The following GSDME variants were observed in gnomAD, a reference collection of about 807,000 sequenced individuals.
GSDME encodes the protein gasdermin E.
Under a neutral mutation model 47.5 loss-of-function variants are expected in GSDME, and 44 were observed. The observed-to-expected ratio is 0.93, with a 90% CI of 0.73 to 1.19. The LOEUF is 1.19. Among genes scored for constraint, GSDME ranks in the 50% most tolerant of loss-of-function variants. GSDME has a pLI of 0.00. For synonymous variants in GSDME, 258 were observed against 252.8 expected (o/e 1.02, Z -0.20); for missense variants, 663 against 604.2 (o/e 1.10, Z -1.02).
At chr7:24,699,797 C>T (rs182083395) in intron 9 of GSDME, among the ~76,000 whole-genome samples, 5 of 152,300 alleles carry the variant, frequency 3.3e-5, no homozygotes, top group African/African-American at 1.2e-4. Flanking sequence ...TTCTACTAGT[C>T]CCATTAACTC....
In GSDME at chr7:24,732,785, G is replaced by A. The variant is rs542375188; in HGVS notation, c.404+11777C>T. 3.3e-5 allele frequency among the ~76,000 whole-genome samples: 5 copies of A among 152,276 alleles called. No homozygotes were observed. The highest frequency in any genetic ancestry group is 1.3e-4 in the Admixed American group (2 of 15,310). ...CAGAACCTGAGTTTTGGCAAGCCTC[G>A]CCACCATGGGCTAAAGTGCTTTGGT... On this transcript the variant is annotated intron_variant, in intron 3 of 9. Coordinates refer to ENST00000645220, the MANE Select transcript of GSDME (RefSeq NM_001127453.2). The surrounding 1 kb of genome is among the most constrained non-coding windows in gnomAD (Gnocchi z 4.8).
rs369314957 is a variant in GSDME, at chr7:24,726,059, C to T, written c.405-6841G>A. On this transcript the variant is annotated intron_variant, in intron 3 of 9. Coordinates refer to ENST00000645220, the MANE Select transcript of GSDME (RefSeq NM_001127453.2). The surrounding 1 kb of genome is among the most constrained non-coding windows in gnomAD (Gnocchi z 5.6). Reference sequence around the variant, plus strand: ...GCAGGCAGAGATGGAGGGAGGGAAGCGTGGCTCAGAGCCCAGCGTGGTTGC... The same window carrying T: ...GCAGGCAGAGATGGAGGGAGGGAAGTGTGGCTCAGAGCCCAGCGTGGTTGC... 2.0e-5 allele frequency among the ~76,000 whole-genome samples: 3 copies of T among 152,210 alleles called. No homozygotes were observed. Among genetic ancestry groups the T allele is most frequent in the Admixed American group, 6.5e-5 (1 of 15,296 alleles).
chr7:24,707,845 A>ACCTAGACTTTGGACTTTTGGGCT, intron 7 of GSDME: 1 of 571,460 alleles, frequency 1.7e-6, no homozygotes, highest in Non-Finnish European at 3.1e-6. Flanking sequence ...CCCTGCAGAC[A>ACCTAGACTTTGGACTTTTGGGCT]CCTAGACTTT....
intron 3 of GSDME, among the ~76,000 whole-genome samples, chr7:24,723,200 C>CG (rs1789854042): frequency 6.6e-6 from 1 of 152,166 alleles, no homozygotes; most frequent in East Asian, 1.9e-4. Flanking sequence ...ACAGGGACAG[C>CG]GGGGAAGCTA....
intron 3 of GSDME, among the ~76,000 whole-genome samples, chr7:24,741,927 G>A (rs1463457463): frequency 1.3e-5 from 2 of 151,610 alleles, no homozygotes; most frequent in Admixed American, 6.6e-5. Context: ...CCTCCTAGCC[G>A]CCTAACAAGG....
At chr7:24,751,351 C>T (rs1298907891) in intron 1 of GSDME, among the ~76,000 whole-genome samples, 1 of 152,148 alleles carries the variant, frequency 6.6e-6, no homozygotes, top group Non-Finnish European at 1.5e-5. Context: ...TGCACAAGAA[C>T]TGCTTTTTAT....
the GSDME span, among the ~76,000 whole-genome samples, chr7:24,774,311 C>T: frequency 2.5e-5 from 2 of 79,316 alleles, no homozygotes; most frequent in African/African-American, 5.6e-5. Flanking sequence ...CTTCCTCCCT[C>T]CCTTCCTTCT....
At chr7:24,793,286 A>G in the GSDME span, among the ~76,000 whole-genome samples, 4 of 152,202 alleles carry the variant, frequency 2.6e-5, no homozygotes, top group African/African-American at 9.6e-5. Context: ...TTAGTGCTTT[A>G]AGAAAAACCC....
In GSDME at chr7:24,728,586, T is replaced by A. The variant is rs1283652162; in HGVS notation, c.405-9368A>T. On this transcript the variant is annotated intron_variant, in intron 3 of 9. Coordinates refer to ENST00000645220, the MANE Select transcript of GSDME (RefSeq NM_001127453.2). This position sits in a 1 kb window ranked among gnomAD's most constrained non-coding sequence, Gnocchi z 7.2. ...CTCCTGAACCTTCCTGGGCCCTGCA[T>A]ACAGAAGGCGCTTAATGCATGCTTG... Among the ~76,000 whole-genome samples the A allele has an allele frequency of 1.3e-5, 2 of 152,166 alleles. No individual in the cohort carries two copies. The highest frequency in any genetic ancestry group is 2.1e-4 in the South Asian group (1 of 4,826).
chr7:24,783,295 G>A, the GSDME span, among the ~76,000 whole-genome samples: 2 of 152,162 alleles, frequency 1.3e-5, no homozygotes, highest in South Asian at 4.2e-4. Context: ...GATTGTAGCT[G>A]TAAGCAAGTT....
intron 1 of GSDME, among the ~76,000 whole-genome samples, chr7:24,755,678 G>GT (rs1193808436): frequency 1.3e-5 from 2 of 152,118 alleles, no homozygotes; most frequent in African/African-American, 4.8e-5. Context: ...TCCACCCGAG[G>GT]TCCACCTGAC....
In GSDME at chr7:24,698,678, G is replaced by C. The variant is rs1200155502; in HGVS notation, c.*348C>G. On this transcript the variant is annotated 3_prime_UTR_variant, in exon 10 of 10. Transcript: ENST00000645220. ...AAAGACCTTTTGGATTAAAGGGTCAGACTCTTTCTATGTAACAAAAAGTGG... is the reference window on the plus strand; with the variant it reads ...AAAGACCTTTTGGATTAAAGGGTCACACTCTTTCTATGTAACAAAAAGTGG... 2 of 354,566 alleles carry C rather than the reference G, an allele frequency of 5.6e-6. No individual in the cohort carries two copies. The highest frequency in any genetic ancestry group is 7.0e-5 in the East Asian group (1 of 14,384). The allele number at this position is 354,566 out of a possible 1,614,324, so 22.0% of individuals were successfully genotyped here. A position where few individuals can be genotyped will look rare whatever the true frequency, so the allele number is the denominator to read the frequency against.
upstream of GSDME, among the ~76,000 whole-genome samples, chr7:24,761,510 G>C (rs113034209): frequency 0.014 from 2,116 of 152,284 alleles, 54 homozygotes; most frequent in African/African-American, 0.048. This position sits in a 1 kb window ranked among gnomAD's most constrained non-coding sequence, Gnocchi z 4.4. Context: ...CATTGATGAG[G>C]GTTCCACCTC....
At position 24,736,429 on chromosome 7, in the gene GSDME, G is replaced by A. The variant is rs1471731594; in HGVS notation, c.404+8133C>T. Among the ~76,000 whole-genome samples the A allele has an allele frequency of 1.3e-5, 2 of 152,008 alleles. No individual in the cohort carries two copies. The highest frequency in any genetic ancestry group is 2.1e-4 in the South Asian group (1 of 4,830). On this transcript the variant is annotated intron_variant, in intron 3 of 9. Coordinates refer to ENST00000645220, the MANE Select transcript of GSDME (RefSeq NM_001127453.2). The surrounding 1 kb of genome is among the most constrained non-coding windows in gnomAD (Gnocchi z 4.6). ...AAAAACTATAAGAAGAGACAAAGAA[G>A]GTTACTATATAATGATAAAGGGGTC...
intron 9 of GSDME, among the ~76,000 whole-genome samples, chr7:24,701,533 G>A (rs747230087): frequency 3.3e-5 from 5 of 152,208 alleles, no homozygotes; most frequent in Non-Finnish European, 5.9e-5. Context: ...TTCAGTTGCA[G>A]TTGATGAATC....
rs1224328391 is a variant in GSDME, at chr7:24,721,535, G to GC, written c.405-2318dup. On this transcript the variant is annotated intron_variant, in intron 3 of 9. Transcript: ENST00000645220. This position sits in a 1 kb window ranked among gnomAD's most constrained non-coding sequence, Gnocchi z 4.1. ...TCGTGCATGAACTGTTGGTAACAGG[G>GC]CCCCCTCCTCATGGGGTTCCGTCAG... Among the ~76,000 whole-genome samples, 1 of 152,168 alleles carries GC rather than the reference G, an allele frequency of 6.6e-6. No individual in the cohort carries two copies. The highest frequency in any genetic ancestry group is 1.5e-5 in the Non-Finnish European group (1 of 68,028).
chr7:24,717,374 C>A lies in GSDME; in HGVS notation c.577G>T (p.Val193Leu), dbSNP rs915207335. 1.2e-5 allele frequency: 20 copies of A among 1,614,088 alleles called. No individual in the cohort carries two copies. The highest frequency in any genetic ancestry group is 1.7e-5 in the Non-Finnish European group (20 of 1,180,042). Residue 193 changes from valine to leucine, a missense_variant and splice_region_variant, in exon 5 of 10, where the codon GTG becomes TTG. Coordinates refer to ENST00000645220, the MANE Select transcript of GSDME (RefSeq NM_001127453.2). ...IVGIQTKTVQVSATEDGNVTK... is the reference protein window; with the variant it reads ...IVGIQTKTVQLSATEDGNVTK... ...ACATTCCCATCCTCCGTCGCTGACACCTGTGGGCAAAAGCGCACACTCCCA... is the reference window on the plus strand; with the variant it reads ...ACATTCCCATCCTCCGTCGCTGACAACTGTGGGCAAAAGCGCACACTCCCA...
rs1315421318 is a variant in GSDME, at chr7:24,734,887, AG to A, written c.404+9674del. Among the ~76,000 whole-genome samples, 3 of 152,232 alleles carry A rather than the reference AG, an allele frequency of 2.0e-5. No homozygotes were observed. In the East Asian group the frequency reaches 5.8e-4, roughly 29 times the overall value. Reference sequence around the variant, plus strand: ...AAATAGGGGTAGAAAGTTTATTCAAAGGGTAACAGCAGACAACTTCCCAAAC... The same window carrying A: ...AAATAGGGGTAGAAAGTTTATTCAAAGGTAACAGCAGACAACTTCCCAAAC... On this transcript the variant is annotated intron_variant, in intron 3 of 9. Coordinates refer to ENST00000645220, the MANE Select transcript of GSDME (RefSeq NM_001127453.2).
At chr7:24,700,122 G>C (rs1788803757) in intron 9 of GSDME, among the ~76,000 whole-genome samples, 1 of 151,930 alleles carries the variant, frequency 6.6e-6, no homozygotes, top group African/African-American at 2.4e-5. Context: ...CCATTATGTT[G>C]TATCCATAAA....
Sources: allele counts gnomAD v4.1 joint callset (sites outside exome capture counted in the v4.1 genomes callset), GRCh38; gene constraint gnomAD v4.1.1; non-coding constraint Gnocchi (gnomAD v3.1); transcripts MANE v1.5; gene names NCBI Gene and HGNC (gene_info 2026-07-23, HGNC 2026-07-21).